The following MAML3 variants were observed in gnomAD, a reference collection of about 807,000 sequenced individuals.
MAML3 encodes mastermind-like protein 3.
A neutral mutation model predicts 101.9 loss-of-function variants in MAML3; 27 were observed. The observed-to-expected ratio is 0.27, with a 90% CI of 0.20 to 0.37. MAML3 has a LOEUF of 0.37. Among genes scored for constraint, MAML3 ranks in the 10% least tolerant of loss-of-function variants. MAML3 has a pLI of 1.00. For missense variants in MAML3, 1,316 were observed against 1,444.9 expected (o/e 0.91, Z 1.45); for synonymous variants, 501 against 555.9 (o/e 0.90, Z 1.39).
intron 2 of MAML3, among the ~76,000 whole-genome samples, chr4:139,856,621 G>T (rs1325450720): frequency 1.3e-5 from 2 of 152,208 alleles, no homozygotes; most frequent in East Asian, 3.8e-4. Context: ...CTGTGAAGTT[G>T]TAAAGTGCTG....
At chr4:139,800,089 A>T (rs1416363667) in intron 2 of MAML3, among the ~76,000 whole-genome samples, 1 of 152,218 alleles carries the variant, frequency 6.6e-6, no homozygotes, top group Non-Finnish European at 1.5e-5. Flanking sequence ...ATTTATGACA[A>T]ACCATATTTT....
chr4:140,104,394 AT>A (rs375144083), intron 1 of MAML3, among the ~76,000 whole-genome samples: 4 of 40,024 alleles, frequency 1.0e-4, no homozygotes, highest in East Asian at 5.1e-4. Flanking sequence ...TATATTATAT[AT>A]TATATAATAT....
chr4:140,015,735 C>G (rs1306617957), intron 1 of MAML3, among the ~76,000 whole-genome samples: 1 of 152,204 alleles, frequency 6.6e-6, no homozygotes, highest in African/African-American at 2.4e-5. Flanking sequence ...GAGTGGATCA[C>G]TCGGGGTTAG....
intron 1 of MAML3, among the ~76,000 whole-genome samples, chr4:140,150,881 T>G (rs971975352): frequency 5.3e-5 from 8 of 152,174 alleles, no homozygotes; most frequent in African/African-American, 1.9e-4. Context: ...TTCGGTTTCC[T>G]GTTTGTAAAG....
chr4:139,727,777 TAAGATCCC>T (rs983854341), intron 3 of MAML3, among the ~76,000 whole-genome samples: 21 of 152,238 alleles, frequency 1.4e-4, no homozygotes, highest in African/African-American at 2.4e-5. Context: ...CCAAAATATG[TAAGATCCC>T]AAATCCTTCT....
intron 1 of MAML3, among the ~76,000 whole-genome samples, chr4:140,052,185 C>T (rs1386624264): frequency 6.6e-6 from 1 of 152,180 alleles, no homozygotes; most frequent in Non-Finnish European, 1.5e-5. Flanking sequence ...AATTTACCCA[C>T]CTATACCTAC....
intron 1 of MAML3, among the ~76,000 whole-genome samples, chr4:140,010,141 C>T (rs575545372): frequency 9.4e-4 from 143 of 152,204 alleles, no homozygotes; most frequent in East Asian, 3.7e-3. Flanking sequence ...CAAAGAAAAA[C>T]GTCATTCTTG....
intron 2 of MAML3, among the ~76,000 whole-genome samples, chr4:139,827,538 G>T (rs1406069939): frequency 6.6e-6 from 1 of 152,084 alleles, no homozygotes; most frequent in South Asian, 2.1e-4. Context: ...GACTAGGGGG[G>T]AAAAAACAGA....
At chr4:139,883,344 C>T (rs1393941456) in intron 2 of MAML3, among the ~76,000 whole-genome samples, 1 of 152,146 alleles carries the variant, frequency 6.6e-6, no homozygotes, top group Non-Finnish European at 1.5e-5. Context: ...ACAATACATG[C>T]CCCTCACCCT....
chr4:139,938,361 A>C (rs1360574012), intron 1 of MAML3, among the ~76,000 whole-genome samples: 1 of 152,176 alleles, frequency 6.6e-6, no homozygotes, highest in Non-Finnish European at 1.5e-5. Context: ...TAAGATCCAG[A>C]GTCATGAAGT....
chr4:139,788,341 A>T (rs1250331001), intron 2 of MAML3, among the ~76,000 whole-genome samples: 1 of 152,144 alleles, frequency 6.6e-6, no homozygotes, highest in Non-Finnish European at 1.5e-5. Flanking sequence ...ATTTCTTTTA[A>T]TTGAATAGAA....
intron 1 of MAML3, among the ~76,000 whole-genome samples, chr4:139,947,706 T>G (rs1180745558): frequency 6.6e-6 from 1 of 152,146 alleles, no homozygotes; most frequent in Non-Finnish European, 1.5e-5. Flanking sequence ...AGCAAGTTAA[T>G]CTCTCTATGC....
chr4:139,791,788 T>C (rs1730420036), intron 2 of MAML3, among the ~76,000 whole-genome samples: 1 of 152,218 alleles, frequency 6.6e-6, no homozygotes, highest in Non-Finnish European at 1.5e-5. Context: ...TTACAGTATT[T>C]CCAGCCCATT....
At chr4:140,056,410 T>C (rs895610358) in intron 1 of MAML3, among the ~76,000 whole-genome samples, 1 of 150,722 alleles carries the variant, frequency 6.6e-6, no homozygotes, top group Non-Finnish European at 1.5e-5. Context: ...CAGGCTGGAG[T>C]GCAATGGCGC....
rs139730347 is a variant in MAML3 at position 140,006,336 on chromosome 4, A to G, written c.469-115369T>C. Among the ~76,000 whole-genome samples the G allele has an allele frequency of 1.9e-3, 285 of 152,244 alleles. 1 individual carries two copies. The highest frequency in any genetic ancestry group is 6.5e-3 in the African/African-American group (271 of 41,536). ...TGCGGTTGCTCACCCCTGTAATCCC[A>G]GCACTTTGGGAGGCCAAGAGGGGTG... On this transcript the variant is annotated intron_variant, in intron 1 of 4. Coordinates refer to ENST00000509479, the MANE Select transcript of MAML3 (RefSeq NM_018717.5).
At position 139,854,502 on chromosome 4, in the gene MAML3, C is replaced by T. The variant is rs995326226; in HGVS notation, c.2079+34855G>A. 2.0e-5 allele frequency among the ~76,000 whole-genome samples: 3 copies of T among 149,908 alleles called. No homozygotes were observed. In the Admixed American group the frequency reaches 2.0e-4, roughly 10 times the overall value. ...GAGGGGACTGGATGTGCTCTCAGGG[C>T]CCTTCTAGGTCTACCATATCAGTGA... On this transcript the variant is annotated intron_variant, in intron 2 of 4. Coordinates refer to ENST00000509479, the MANE Select transcript of MAML3 (RefSeq NM_018717.5).
At chr4:140,031,920 C>T (rs1726914190) in intron 1 of MAML3, among the ~76,000 whole-genome samples, 1 of 152,188 alleles carries the variant, frequency 6.6e-6, no homozygotes, top group Non-Finnish European at 1.5e-5. Context: ...TCTCCCTCAC[C>T]CCCAACTCTT....
chr4:139,962,975 A>AT lies in MAML3; in HGVS notation c.469-72009dup, dbSNP rs527462614. On this transcript the variant is annotated intron_variant, in intron 1 of 4. Transcript: ENST00000509479. ...ACGGCAATAATCATGAATAAAACTG[A>AT]TTTTTTTTTTAACCATTCATCCAAA... Among the ~76,000 whole-genome samples, 202 of 150,738 alleles carry AT rather than the reference A, an allele frequency of 1.3e-3. 1 individual carries two copies. Among genetic ancestry groups the AT allele is most frequent in the South Asian group, 5.9e-3 (28 of 4,748 alleles).
intron 2 of MAML3, among the ~76,000 whole-genome samples, chr4:139,871,587 T>C (rs1732007946): frequency 6.6e-6 from 1 of 152,242 alleles, no homozygotes; most frequent in Non-Finnish European, 1.5e-5. Flanking sequence ...TACTCTCCTC[T>C]TTTCAGAAAC....
Sources: gnomAD v4.1 joint callset for allele counts (sites outside exome capture counted in the v4.1 genomes callset) on GRCh38, gnomAD v4.1.1 for gene constraint, MANE v1.5 for transcripts, NCBI Gene and HGNC (gene_info 2026-07-23, HGNC 2026-07-21) for gene names.